AVEN: variants seen among roughly 807,000 people sequenced by gnomAD.
The protein encoded by AVEN is cell death regulator Aven.
AVEN carries 41 observed loss-of-function variants against 38.1 expected under a neutral mutation model. The observed-to-expected ratio is 1.08, with a 90% CI of 0.84 to 1.40. The LOEUF is 1.40. Ranked by LOEUF, AVEN falls within the 40% of genes most tolerant of loss-of-function variation. The probability of loss-of-function intolerance (pLI) is 0.00; values close to 1 mark genes in which losing one functional copy is unlikely to be tolerated. For missense variants in AVEN, 605 were observed against 438.8 expected (o/e 1.38, Z -3.38); for synonymous variants, 206 against 171.8 (o/e 1.20, Z -1.56).
intron 2 of AVEN, among the ~76,000 whole-genome samples, chr15:33,944,749 C>CT (rs1894446463): frequency 6.6e-6 from 1 of 151,602 alleles, no homozygotes; most frequent in African/African-American, 2.4e-5. Flanking sequence ...GCGGAACTTG[C>CT]AGTGAGCCGA....
chr15:34,022,371 C>T, intron 1 of AVEN, among the ~76,000 whole-genome samples: 1 of 152,114 alleles, frequency 6.6e-6, no homozygotes, highest in East Asian at 1.9e-4. Context: ...TCAATTGTGA[C>T]CTTTAGGAAG....
intron 2 of AVEN, among the ~76,000 whole-genome samples, chr15:33,883,465 AGTG>A (rs1220199218): frequency 1.6e-4 from 24 of 152,198 alleles, no homozygotes; most frequent in African/African-American, 5.1e-4. Flanking sequence ...ATATTCAATC[AGTG>A]GCACTCCATT....
At chr15:33,905,871 C>G (rs188502264) in intron 2 of AVEN, among the ~76,000 whole-genome samples, 6 of 151,586 alleles carry the variant, frequency 4.0e-5, no homozygotes, top group Non-Finnish European at 7.4e-5. Context: ...GACACCCACC[C>G]AATTCAACCA....
intron 2 of AVEN, among the ~76,000 whole-genome samples, chr15:33,968,354 C>T (rs1331305839): frequency 6.6e-6 from 1 of 152,034 alleles, no homozygotes. Flanking sequence ...CCTATCAAAA[C>T]GAATATCATC....
At chr15:33,996,830 G>A (rs975979654) in intron 2 of AVEN, among the ~76,000 whole-genome samples, 3 of 152,232 alleles carry the variant, frequency 2.0e-5, no homozygotes, top group African/African-American at 4.8e-5. Context: ...TCGCTAGCAA[G>A]AGAACAAAGC....
chr15:33,939,421 G>A (rs904621156), intron 2 of AVEN, among the ~76,000 whole-genome samples: 2 of 152,140 alleles, frequency 1.3e-5, no homozygotes, highest in Non-Finnish European at 2.9e-5. Context: ...AAGAAAATAT[G>A]CTAAAGGCAA....
chr15:34,053,242 G>A (rs1952998111), intron 5 of AVEN, among the ~76,000 whole-genome samples: 1 of 141,680 alleles, frequency 7.1e-6, no homozygotes, highest in Non-Finnish European at 1.5e-5. Context: ...AGAGGTTGCA[G>A]TGAGCCAAGA....
intron 1 of AVEN, among the ~76,000 whole-genome samples, chr15:34,071,541 G>T (rs887079130): frequency 4.6e-5 from 7 of 152,120 alleles, no homozygotes; most frequent in African/African-American, 7.2e-5. Flanking sequence ...CTCCCAAAGT[G>T]CTGGGATTCC....
At chr15:34,000,503 A>C (rs1479404006) in intron 2 of AVEN, among the ~76,000 whole-genome samples, 1 of 152,216 alleles carries the variant, frequency 6.6e-6, no homozygotes, top group Non-Finnish European at 1.5e-5. Context: ...GGCAATATCT[A>C]GAAAAGTTTA....
At chr15:34,050,398 C>T (rs772775521) in intron 5 of AVEN, among the ~76,000 whole-genome samples, 1 of 152,190 alleles carries the variant, frequency 6.6e-6, no homozygotes, top group Non-Finnish European at 1.5e-5. Flanking sequence ...TACAAAAACA[C>T]ACTGAAGTAC....
intron 2 of AVEN, among the ~76,000 whole-genome samples, chr15:33,918,604 C>T (rs961151375): frequency 2.6e-5 from 4 of 151,086 alleles, no homozygotes; most frequent in Non-Finnish European, 2.9e-5. Context: ...CTGCGCACAC[C>T]ACCAAGCCTG....
At chr15:33,949,173 G>A (rs1356518828) in intron 2 of AVEN, among the ~76,000 whole-genome samples, 1 of 151,944 alleles carries the variant, frequency 6.6e-6, no homozygotes, top group Non-Finnish European at 1.5e-5. Flanking sequence ...ACAGGCACCC[G>A]CCACCACGCC....
At chr15:33,972,241 T>C (rs963505725) in intron 2 of AVEN, 8 of 151,988 alleles carry the variant, frequency 5.3e-5, no homozygotes, top group Non-Finnish European at 1.0e-4. Flanking sequence ...CAGACAGTCA[T>C]GAAAGAGGCC....
At chr15:34,057,505 C>A (rs1194063460) in intron 5 of AVEN, among the ~76,000 whole-genome samples, 1 of 152,172 alleles carries the variant, frequency 6.6e-6, no homozygotes, top group African/African-American at 2.4e-5. Flanking sequence ...TCCCTTGTGT[C>A]AGGCACTGGC....
At chr15:33,913,330 A>C (rs1178077889) in intron 2 of AVEN, among the ~76,000 whole-genome samples, 1 of 152,260 alleles carries the variant, frequency 6.6e-6, no homozygotes, top group Non-Finnish European at 1.5e-5. Context: ...TAAAAGGAGT[A>C]GATATATACA....
intron 5 of AVEN, among the ~76,000 whole-genome samples, chr15:34,052,306 T>C (rs912884279): frequency 6.6e-6 from 1 of 152,068 alleles, no homozygotes; most frequent in African/African-American, 2.4e-5. Context: ...TCCCTTCATA[T>C]TAAAAACTCT....
At chr15:33,975,432 C>T (rs998437802) in intron 2 of AVEN, among the ~76,000 whole-genome samples, 5 of 152,146 alleles carry the variant, frequency 3.3e-5, no homozygotes, top group Non-Finnish European at 5.9e-5. Context: ...GATCAAGCAA[C>T]TAAGACCTAG....
intron 2 of AVEN, among the ~76,000 whole-genome samples, chr15:33,944,946 A>T (rs1361805688): frequency 6.6e-6 from 1 of 152,178 alleles, no homozygotes; most frequent in Non-Finnish European, 1.5e-5. Context: ...CCAGGCACGG[A>T]CTCTCCACAG....
chr15:33,884,069 A>T (rs1472858001), intron 2 of AVEN, among the ~76,000 whole-genome samples: 1 of 152,096 alleles, frequency 6.6e-6, no homozygotes, highest in Non-Finnish European at 1.5e-5. Context: ...GATTTTTCTC[A>T]AACTCCTGGG....
Sources: gnomAD v4.1 joint callset for allele counts (sites outside exome capture counted in the v4.1 genomes callset) on GRCh38, gnomAD v4.1.1 for gene constraint, MANE v1.5 for transcripts, NCBI Gene and HGNC (gene_info 2026-07-23, HGNC 2026-07-21) for gene names.